ANKRD27: variants seen among roughly 807,000 people sequenced by gnomAD.
The protein encoded by ANKRD27 is ankyrin repeat domain 27, also known as ankyrin repeat domain-containing protein 27.
ANKRD27 carries 112 observed loss-of-function variants against 129.7 expected under a neutral mutation model. That is an observed-to-expected ratio of 0.86 (90% confidence interval 0.74 to 1.01). The LOEUF (loss-of-function observed/expected upper bound fraction) is 1.01. Ranked by LOEUF, ANKRD27 falls within the 50% of genes least tolerant of loss-of-function variation. The pLI, the probability that ANKRD27 is intolerant of heterozygous loss-of-function variation, is 0.00. For synonymous variants in ANKRD27, 516 were observed against 511.2 expected (o/e 1.01, Z -0.13); for missense variants, 1,258 against 1,300.5 (o/e 0.97, Z 0.50).
At chr19:32,628,199 G>A (rs1432030134) in intron 14 of ANKRD27, 34 bp from the exon 15 acceptor site, 7 of 1,586,502 alleles carry the variant, frequency 4.4e-6, no homozygotes, top group East Asian at 2.2e-5. Flanking sequence ...AACTACACAG[G>A]GGAATGGCAC....
intron 1 of ANKRD27, chr19:32,666,468 A>T (rs1183249931): frequency 6.6e-6 from 1 of 152,118 alleles, no homozygotes; most frequent in Non-Finnish European, 1.5e-5. Context: ...TGTTTGAAGG[A>T]TGTTGCTGTC....
At chr19:32,647,465 G>A (rs1967325062) in intron 3 of ANKRD27, among the ~76,000 whole-genome samples, 1 of 152,206 alleles carries the variant, frequency 6.6e-6, no homozygotes, top group Non-Finnish European at 1.5e-5. Flanking sequence ...CTGAGAGGGG[G>A]AGATTTTATT....
rs1475413829 is a variant in ANKRD27, at chr19:32,598,145, T to C, written c.3153A>G (p.Ter1051=). ...TPQEVSASRS[*] Reference sequence around the variant, plus strand: ...TGGGTTCAACAACTCCTCATTCCTGTTAGGACCGGGAAGCACTAACCTCTT... The same window carrying C: ...TGGGTTCAACAACTCCTCATTCCTGCTAGGACCGGGAAGCACTAACCTCTT... The change falls in exon 29 of 29, where the codon TAA becomes TAG. Residue 1051 remains the stop codon, a stop_retained_variant. Transcript: ENST00000306065. The C allele has an allele frequency of 6.2e-7, 1 of 1,613,748 alleles. No individual in the cohort carries two copies. The highest frequency in any genetic ancestry group is 8.5e-7 in the Non-Finnish European group (1 of 1,179,794).
chr19:32,628,335 G>C (rs1182253629), intron 14 of ANKRD27, among the ~76,000 whole-genome samples, 170 bp from the exon 15 acceptor site: 1 of 152,182 alleles, frequency 6.6e-6, no homozygotes, highest in African/African-American at 2.4e-5. Context: ...GAGGAACAGA[G>C]GCACCTGGCC....
chr19:32,626,202 C>T (rs1294214880), intron 16 of ANKRD27, among the ~76,000 whole-genome samples: 2 of 152,200 alleles, frequency 1.3e-5, no homozygotes, highest in Non-Finnish European at 2.9e-5. Context: ...AGAACTCAGC[C>T]TGTCTCCCAG....
chr19:32,606,082 C>T, intron 23 of ANKRD27, 128 bp from the exon 24 acceptor site: 1 of 805,300 alleles, frequency 1.2e-6, no homozygotes, highest in Non-Finnish European at 1.7e-6. Context: ...GAGAAATGCT[C>T]AAGTTTGATA....
chr19:32,622,678 G>C (rs1219793915), intron 17 of ANKRD27, 59 bp from the exon 18 acceptor site: 2 of 1,559,392 alleles, frequency 1.3e-6, no homozygotes, highest in Non-Finnish European at 1.8e-6. Context: ...GACAAGGTCC[G>C]TGCTCTCCTC....
chr19:32,645,742 C>A (rs934216924), intron 4 of ANKRD27, among the ~76,000 whole-genome samples: 1 of 152,116 alleles, frequency 6.6e-6, no homozygotes, highest in Non-Finnish European at 1.5e-5. Flanking sequence ...AAGTGATTCT[C>A]CTGCCTCAGC....
chr19:32,599,864 T>G (rs556253587), intron 27 of ANKRD27, 88 bp from the exon 28 acceptor site: 108 of 1,519,250 alleles, frequency 7.1e-5, no homozygotes, highest in Admixed American at 2.1e-4. Flanking sequence ...TTTTTGACAT[T>G]AGTAGGTGCA....
intron 10 of ANKRD27, 138 bp downstream of exon 10, chr19:32,641,886 G>A: frequency 9.8e-7 from 1 of 1,016,982 alleles, no homozygotes; most frequent in Non-Finnish European, 1.3e-6. Context: ...TCCCACCTTG[G>A]CCTCCCAAAG....
At chr19:32,599,899 T>C in intron 27 of ANKRD27, 73 bp downstream of exon 27, 1 of 1,514,114 alleles carries the variant, frequency 6.6e-7, no homozygotes, top group South Asian at 1.1e-5. Context: ...CAATTACAAT[T>C]GAAGCAGCTT....
chr19:32,617,319 G>A (rs527560182), intron 21 of ANKRD27, among the ~76,000 whole-genome samples: 38 of 152,266 alleles, frequency 2.5e-4, no homozygotes, highest in South Asian at 1.2e-3. Context: ...CAAGGCAGGA[G>A]AATCGCTTGA....
chr19:32,664,710 C>T (rs552091672), intron 1 of ANKRD27, among the ~76,000 whole-genome samples: 2 of 150,194 alleles, frequency 1.3e-5, no homozygotes, highest in African/African-American at 4.9e-5. Context: ...TGTAATCCCA[C>T]CACTTTGGAA....
intron 1 of ANKRD27, chr19:32,673,237 T>C (rs1459351360): frequency 2.1e-6 from 2 of 951,252 alleles, no homozygotes; most frequent in Non-Finnish European, 2.5e-6. Context: ...AACTTGGGAA[T>C]GTAAGTCTAT....
chr19:32,615,777 G>A lies in ANKRD27; in HGVS notation c.2056C>T (p.Arg686Cys), dbSNP rs190059332. The A allele has an allele frequency of 5.6e-6, 9 of 1,612,368 alleles. No individual in the cohort carries two copies. The Admixed American group carries it at 8.4e-5, about 15-fold the overall frequency. The change falls in exon 22 of 29, where the codon CGT becomes TGT. Residue 686 changes from arginine to cysteine, a missense_variant. Arg to Cys is a radical substitution (Grantham distance 180). Coordinates refer to ENST00000306065, the MANE Select transcript of ANKRD27 (RefSeq NM_032139.3). Reference protein sequence around the residue: ...AVADGDLEMVRYLLEWTEEDL... With the variant: ...AVADGDLEMVCYLLEWTEEDL... ...TCCTCTGTCCATTCCAACAGGTAAC[G>A]CACCTGGTGATGGAGAGTAACGGAA...
intron 22 of ANKRD27, 100 bp downstream of exon 22, chr19:32,615,558 T>C (rs1971903232): frequency 1.3e-6 from 2 of 1,598,032 alleles, no homozygotes; most frequent in Admixed American, 1.7e-5. Context: ...CACTCCGGCC[T>C]GGGTGACAGA....
At chr19:32,645,720 C>A (rs941629826) in intron 4 of ANKRD27, among the ~76,000 whole-genome samples, 1 of 152,016 alleles carries the variant, frequency 6.6e-6, no homozygotes, top group African/African-American at 2.4e-5. Flanking sequence ...ACAGTCTCTG[C>A]CTCCCGGGTT....
At chr19:32,621,245 G>A (rs1972006030) in intron 18 of ANKRD27, among the ~76,000 whole-genome samples, 1 of 152,206 alleles carries the variant, frequency 6.6e-6, no homozygotes, top group South Asian at 2.1e-4. Flanking sequence ...ACCCTGGGAG[G>A]CCAAGGTGAG....
chr19:32,618,677 G>A (rs938824981), intron 20 of ANKRD27, among the ~76,000 whole-genome samples: 1 of 152,102 alleles, frequency 6.6e-6, no homozygotes, highest in Non-Finnish European at 1.5e-5. Flanking sequence ...GGTAGGGTCA[G>A]TGAGGGTTCA....
Sources: allele counts gnomAD v4.1 joint callset (sites outside exome capture counted in the v4.1 genomes callset), GRCh38; gene constraint gnomAD v4.1.1; transcripts MANE v1.5; gene names NCBI Gene and HGNC (gene_info 2026-07-23, HGNC 2026-07-21).